Variants in ROBO1 observed in about 807,000 individuals in gnomAD.
ROBO1 encodes roundabout homolog 1.
Under a neutral mutation model 195.9 loss-of-function variants are expected in ROBO1, and 149 were observed. That is an observed-to-expected ratio of 0.76 (90% CI 0.67 to 0.87). The LOEUF (loss-of-function observed/expected upper bound fraction) is 0.87. ROBO1 is among the 40% of genes least tolerant of loss of function. The pLI is 0.00. For missense variants in ROBO1, 1,933 were observed against 2,068.3 expected (o/e 0.93, Z 1.27); for synonymous variants, 816 against 733.2 (o/e 1.11, Z -1.82).
intron 4 of ROBO1, among the ~76,000 whole-genome samples, chr3:78,813,437 C>T (rs560345705): frequency 6.6e-6 from 1 of 152,070 alleles, no homozygotes; most frequent in South Asian, 2.1e-4. Context: ...TAAAAACTGT[C>T]GTGTCTTTAT....
At chr3:78,855,609 C>T (rs1047981385) in intron 4 of ROBO1, among the ~76,000 whole-genome samples, 5 of 152,152 alleles carry the variant, frequency 3.3e-5, no homozygotes, top group Non-Finnish European at 7.4e-5. Context: ...CCTCACTAAG[C>T]TATGCTTTAC....
chr3:79,438,894 C>T (rs888516817), intron 2 of ROBO1, among the ~76,000 whole-genome samples: 2 of 151,894 alleles, frequency 1.3e-5, no homozygotes, highest in African/African-American at 4.8e-5. Context: ...TGGCAAATAC[C>T]ACTGATACTA....
At chr3:78,682,593 A>G (rs998747025) in intron 10 of ROBO1, among the ~76,000 whole-genome samples, 5 of 147,694 alleles carry the variant, frequency 3.4e-5, no homozygotes, top group African/African-American at 1.2e-4. Context: ...GAGTCATGTC[A>G]AAAAATTTAT....
At chr3:79,525,077 T>A (rs1005265413) in intron 2 of ROBO1, among the ~76,000 whole-genome samples, 1 of 151,822 alleles carries the variant, frequency 6.6e-6, no homozygotes, top group African/African-American at 2.4e-5. Context: ...TATACTTTCT[T>A]ATGTTATATT....
chr3:79,529,378 T>C (rs1013873760), intron 2 of ROBO1, among the ~76,000 whole-genome samples: 8 of 152,092 alleles, frequency 5.3e-5, no homozygotes, highest in Admixed American at 2.6e-4. Context: ...GTCCCAGCTA[T>C]TGGGGAGGCT....
intron 3 of ROBO1, among the ~76,000 whole-genome samples, chr3:78,991,500 G>A (rs1169310048): frequency 6.6e-6 from 1 of 152,162 alleles, no homozygotes; most frequent in Non-Finnish European, 1.5e-5. Flanking sequence ...AAATCAGGCA[G>A]CTGGCATTTA....
At chr3:78,866,965 C>T (rs539898489) in intron 4 of ROBO1, among the ~76,000 whole-genome samples, 14 of 152,268 alleles carry the variant, frequency 9.2e-5, no homozygotes, top group Middle Eastern at 3.4e-3. Context: ...GCTTCAGTTA[C>T]CACTAACCAA....
intron 2 of ROBO1, among the ~76,000 whole-genome samples, chr3:79,568,867 T>A (rs1384101064): frequency 6.6e-6 from 1 of 152,196 alleles, no homozygotes; most frequent in African/African-American, 2.4e-5. Flanking sequence ...TTTTAAAAAA[T>A]AGGTTCTGCT....
At chr3:79,331,657 GA>G (rs112038593) in intron 2 of ROBO1, among the ~76,000 whole-genome samples, 38,144 of 151,746 alleles carry the variant, frequency 0.25, 5,492 homozygotes, top group African/African-American at 0.4. Context: ...AATTATTGCA[GA>G]AAAAAAGTGT....
At chr3:79,052,229 G>C (rs1341491603) in intron 3 of ROBO1, among the ~76,000 whole-genome samples, 3 of 152,116 alleles carry the variant, frequency 2.0e-5, no homozygotes, top group African/African-American at 4.8e-5. Context: ...CGCTCTGGGA[G>C]TGTTTGTCTT....
intron 2 of ROBO1, among the ~76,000 whole-genome samples, chr3:79,406,339 G>A (rs2037548037): frequency 6.6e-6 from 1 of 151,936 alleles, no homozygotes; most frequent in Non-Finnish European, 1.5e-5. Context: ...AGGAGGCTGA[G>A]GTGAGATCTC....
intron 4 of ROBO1, among the ~76,000 whole-genome samples, chr3:78,881,158 G>T (rs1376155776): frequency 1.3e-5 from 2 of 152,162 alleles, no homozygotes; most frequent in African/African-American, 2.4e-5. Flanking sequence ...TCCCAGCAGA[G>T]ATGAGTTTTA....
chr3:79,512,332 T>TTG (rs748020836), intron 2 of ROBO1, among the ~76,000 whole-genome samples: 7 of 152,322 alleles, frequency 4.6e-5, no homozygotes, highest in Non-Finnish European at 8.8e-5. Context: ...ATTATAAGTC[T>TTG]TGTGCTATAT....
At chr3:79,107,938 C>T (rs1369558835) in intron 3 of ROBO1, among the ~76,000 whole-genome samples, 1 of 151,620 alleles carries the variant, frequency 6.6e-6, no homozygotes, top group Non-Finnish European at 1.5e-5. Flanking sequence ...TACAGATGCT[C>T]AATGTATAAG....
chr3:79,189,159 T>C (rs1313549638), intron 2 of ROBO1, among the ~76,000 whole-genome samples: 1 of 151,832 alleles, frequency 6.6e-6, no homozygotes, highest in East Asian at 1.9e-4. Context: ...ATTTACTGAT[T>C]AGATATATGA....
chr3:78,858,754 C>T (rs2034610102), intron 4 of ROBO1, among the ~76,000 whole-genome samples: 2 of 150,268 alleles, frequency 1.3e-5, no homozygotes, highest in African/African-American at 4.9e-5. Flanking sequence ...CTCCGTCCAC[C>T]TCCCCCACCC....
chr3:79,018,344 G>A (rs73851615), intron 3 of ROBO1: 7 of 1,595,136 alleles, frequency 4.4e-6, no homozygotes, highest in African/African-American at 1.3e-5. Flanking sequence ...GGGTTTGATC[G>A]TGCAAAGTGG....
intron 1 of ROBO1, among the ~76,000 whole-genome samples, chr3:79,649,413 G>C (rs1364424100): frequency 3.3e-5 from 5 of 151,728 alleles, no homozygotes; most frequent in Admixed American, 3.3e-4. Flanking sequence ...CGATAATAAA[G>C]ACTTCCCATT....
At chr3:79,432,924 G>C (rs772634165) in intron 2 of ROBO1, among the ~76,000 whole-genome samples, 1 of 152,110 alleles carries the variant, frequency 6.6e-6, no homozygotes, top group South Asian at 2.1e-4. Context: ...GTCCAAAGTT[G>C]TTTCCTAAGG....
Sources: allele counts gnomAD v4.1 joint callset (sites outside exome capture counted in the v4.1 genomes callset), GRCh38; gene constraint gnomAD v4.1.1; transcripts MANE v1.5; gene names NCBI Gene and HGNC (gene_info 2026-07-23, HGNC 2026-07-21).